PLAC1: variants seen among roughly 807,000 people sequenced by gnomAD.
The protein encoded by PLAC1 is placenta associated 1, also known as placenta-specific protein 1.
For synonymous variants in PLAC1, 68 were observed against 62.1 expected, an observed-to-expected ratio of 1.09 and a Z score of -0.44; for missense variants, 136 against 163.2, an observed-to-expected ratio of 0.83 and a Z score of 0.91.
chrX:134,621,360 C>T (rs1310936760), intron 1 of PLAC1, among the ~76,000 whole-genome samples: 2 of 97,061 alleles, frequency 2.1e-5, no homozygotes, highest in African/African-American at 3.9e-5. Context: ...GCAGGAGAAT[C>T]GCTTGAACCC....
intron 2 of PLAC1, among the ~76,000 whole-genome samples, chrX:134,690,481 G>C (rs189025253): frequency 9.0e-6 from 1 of 111,462 alleles, no homozygotes; most frequent in East Asian, 2.8e-4. Flanking sequence ...TGCTGAGTCA[G>C]AATCTCTGGG....
Position 134,566,521 on chromosome X carries a change from T to C in PLAC1, c.162A>G (p.Glu54=), listed in dbSNP as rs992943592. 5 of 1,210,192 alleles carry C rather than the reference T, an allele frequency of 4.1e-6. No homozygotes were observed. The African/African-American group carries it at 7.0e-5, about 17-fold the overall frequency. ...GGGGGCAACCCAGGCCCAAGTGTAG[T>C]TCATGAAAGTGTACACACACATCGT... The part of the protein sequence containing the change: ...LNNDVCVHFH[E]LHLGLGCPPN... Residue 54 remains glutamate, a synonymous_variant, in exon 3 of 3, where the codon GAA becomes GAG. Coordinates refer to ENST00000359237, the MANE Select transcript of PLAC1 (RefSeq NM_021796.4).
chrX:134,695,647 C>T lies in PLAC1; in HGVS notation n.174+37788G>A, dbSNP rs769246998. Among the ~76,000 whole-genome samples, 3 of 112,455 alleles carry T rather than the reference C, an allele frequency of 2.7e-5. No individual in the cohort carries two copies. In the South Asian group the frequency reaches 1.1e-3, roughly 41 times the overall value. The stretch of plus-strand genomic sequence containing the variant: ...GTCATGACCATGGAGGAAAGTAAAA[C>T]CTTAATGCTTGTCACCTTTAGAATC... On this transcript the variant is annotated intron_variant and non_coding_transcript_variant, in intron 2 of 2. Coordinates refer to the PLAC1 transcript ENST00000466797.
chrX:134,685,947 C>G (rs910686557), intron 2 of PLAC1, among the ~76,000 whole-genome samples: 5 of 111,313 alleles, frequency 4.5e-5, no homozygotes, highest in Middle Eastern at 4.6e-3. Flanking sequence ...TGGATTGCAA[C>G]TGATCTGGGG....
intron 1 of PLAC1, among the ~76,000 whole-genome samples, chrX:134,631,067 G>A (rs1343353370): frequency 1.8e-5 from 2 of 111,700 alleles, no homozygotes; most frequent in Admixed American, 9.4e-5. Context: ...ACAGGGAGGG[G>A]AGGGGATGGG....
intron 2 of PLAC1, among the ~76,000 whole-genome samples, chrX:134,720,572 A>C (rs73568709): frequency 9.0e-6 from 1 of 111,695 alleles, no homozygotes; most frequent in African/African-American, 3.3e-5. Context: ...AGAAGAAAAC[A>C]TAAGTGTAAA....
intron 1 of PLAC1, among the ~76,000 whole-genome samples, chrX:134,748,330 CAAA>C (rs748380889): frequency 8.3e-5 from 4 of 48,136 alleles, no homozygotes; most frequent in African/African-American, 7.7e-5. Context: ...GACTCCATCT[CAAA>C]AAAAAAAAAA....
chrX:134,745,447 T>A, intron 1 of PLAC1, among the ~76,000 whole-genome samples: 1 of 111,763 alleles, frequency 8.9e-6, no homozygotes, highest in South Asian at 3.8e-4. Context: ...AAAACTATAC[T>A]TACGTTAAAC....
intron 2 of PLAC1, among the ~76,000 whole-genome samples, chrX:134,569,528 A>G (rs1192549881): frequency 8.9e-6 from 1 of 111,905 alleles, no homozygotes; most frequent in African/African-American, 3.3e-5. Context: ...AGCTTAAAGA[A>G]GAGGTCACTG....
chrX:134,662,340 T>C (rs919721620), upstream of PLAC1, among the ~76,000 whole-genome samples: 2 of 112,690 alleles, frequency 1.8e-5, no homozygotes, highest in African/African-American at 6.5e-5. Flanking sequence ...AGGTTACTTA[T>C]ATCTTTTATA....
chrX:134,756,666 A>G (rs1308479782), intron 1 of PLAC1, among the ~76,000 whole-genome samples: 3 of 109,974 alleles, frequency 2.7e-5, no homozygotes, highest in Admixed American at 9.7e-5. Flanking sequence ...TGGCTAACAC[A>G]GTGAAACCCC....
chrX:134,636,518 AT>A (rs1472850743), intron 1 of PLAC1, among the ~76,000 whole-genome samples: 1 of 112,432 alleles, frequency 8.9e-6, no homozygotes, highest in Non-Finnish European at 1.9e-5. Context: ...CCAAGATTGT[AT>A]ACAGTTGAAG....
chrX:134,633,245 G>A (rs1379504353), intron 1 of PLAC1, among the ~76,000 whole-genome samples: 2 of 111,763 alleles, frequency 1.8e-5, no homozygotes, highest in Non-Finnish European at 3.8e-5. Context: ...ACTCCAACAA[G>A]CATGATCAAT....
intron 2 of PLAC1, among the ~76,000 whole-genome samples, chrX:134,667,058 C>G (rs1602892247): frequency 8.9e-6 from 1 of 112,116 alleles, no homozygotes; most frequent in African/African-American, 3.2e-5. Flanking sequence ...GGTCAAAATG[C>G]AAGAGCCCAA....
intron 2 of PLAC1, among the ~76,000 whole-genome samples, chrX:134,585,714 G>A (rs774850140): frequency 6.5e-4 from 72 of 110,851 alleles, no homozygotes; most frequent in African/African-American, 2.3e-3. Flanking sequence ...GAGAGCAGCT[G>A]CAGGAATGGG....
upstream of PLAC1, among the ~76,000 whole-genome samples, chrX:134,660,914 T>G (rs1046051899): frequency 2.2e-4 from 25 of 111,721 alleles, no homozygotes; most frequent in Non-Finnish European, 7.5e-5. Context: ...CCAAGTTGTT[T>G]ATATAAACCA....
rs1463176309 is a variant in PLAC1 at position 134,588,967 on chromosome X, T to G, written c.-59+13084A>C. Among the ~76,000 whole-genome samples, 3 of 111,311 alleles carry G rather than the reference T, an allele frequency of 2.7e-5. No individual in the cohort carries two copies. The Admixed American group carries it at 2.9e-4, about 11-fold the overall frequency. ...TGGCCTGGCACTAAATCATGGTATG[T>G]TGAGAAGAAAAGGCAAGCTTATGTG... is the stretch of plus-strand genomic sequence containing the variant. On this transcript the variant is annotated intron_variant, in intron 2 of 2. Coordinates refer to ENST00000359237, the MANE Select transcript of PLAC1 (RefSeq NM_021796.4).
upstream of PLAC1, among the ~76,000 whole-genome samples, chrX:134,659,388 G>A (rs2078407235): frequency 9.0e-6 from 1 of 111,349 alleles, no homozygotes; most frequent in Non-Finnish European, 1.9e-5. Context: ...GGAGCTCAAA[G>A]CCACAGCAGC....
chrX:134,705,470 G>A (rs2078601781), intron 2 of PLAC1, among the ~76,000 whole-genome samples: 1 of 97,046 alleles, frequency 1.0e-5, no homozygotes, highest in Admixed American at 1.1e-4. Context: ...GAACTAATAA[G>A]AGCATTCAAC....
Sources: allele counts gnomAD v4.1 joint callset (sites outside exome capture counted in the v4.1 genomes callset), GRCh38; gene constraint gnomAD v4.1.1; transcripts MANE v1.5; gene names NCBI Gene and HGNC (gene_info 2026-07-23, HGNC 2026-07-21).